IAH1: variants seen among roughly 807,000 people sequenced by gnomAD.
IAH1 encodes the protein isoamyl acetate hydrolyzing esterase 1 (putative).
A neutral mutation model predicts 26.7 loss-of-function variants in IAH1; 24 were observed. The observed-to-expected ratio is 0.90, with a 90% CI of 0.65 to 1.26. The LOEUF (loss-of-function observed/expected upper bound fraction) is 1.26, where lower values mean the gene tolerates loss of function less well. Among genes scored for constraint, IAH1 ranks in the 50% most tolerant of loss-of-function variants. IAH1 has a pLI of 0.00. For missense variants in IAH1, 300 were observed against 299.9 expected (o/e 1.00, Z 0.00); for synonymous variants, 140 against 118.5 (o/e 1.18, Z -1.18).
intron 3 of IAH1, among the ~76,000 whole-genome samples, chr2:9,479,597 A>G (rs1661035020): frequency 6.6e-6 from 1 of 152,152 alleles, no homozygotes; most frequent in Admixed American, 6.5e-5. Context: ...CAGAAAAGCA[A>G]TATGAAGCAG....
Position 9,474,958 on chromosome 2 carries a change from G to A in IAH1, c.81+311G>A. On this transcript the variant is annotated intron_variant, in intron 1 of 5. Coordinates refer to ENST00000497473, the MANE Select transcript of IAH1 (RefSeq NM_001039613.3). The surrounding 1 kb of genome is among the most constrained non-coding windows in gnomAD (Gnocchi z 4.3). ...CGAGATGCGCGGTCTTCCCCTCAGC[G>A]CCCTCCTGGGCAGCGGCCTTTCCCC... 1 of 1,012,714 alleles carries A rather than the reference G, an allele frequency of 9.9e-7. No homozygotes were observed. The highest frequency in any genetic ancestry group is 1.2e-6 in the Non-Finnish European group (1 of 826,600). The allele number at this position is 1,012,714 out of a possible 1,614,324, so 62.7% of individuals were successfully genotyped here.
At chr2:9,495,639 G>C (rs1178129527) in intron 6 of IAH1, among the ~76,000 whole-genome samples, 1 of 151,864 alleles carries the variant, frequency 6.6e-6, no homozygotes, top group East Asian at 1.9e-4. Context: ...ACTTGAACCC[G>C]GGAGGCGGAG....
chr2:9,482,263 G>GGT (rs1280757324), intron 4 of IAH1, among the ~76,000 whole-genome samples: 1 of 152,032 alleles, frequency 6.6e-6, no homozygotes, highest in Admixed American at 6.6e-5. Context: ...CCTGACCTCA[G>GGT]GTAATCTGCC....
intron 4 of IAH1, 67 bp downstream of exon 4, chr2:9,481,514 C>A: frequency 6.7e-7 from 1 of 1,500,176 alleles, no homozygotes; most frequent in Non-Finnish European, 9.2e-7. Context: ...TCTGATAGGA[C>A]AGTGGTTTCC....
chr2:9,478,349 GC>G lies in IAH1; in HGVS notation c.264del (p.Asn89MetfsTer5). The G allele has an allele frequency of 6.2e-7, 1 of 1,608,180 alleles. No individual in the cohort carries two copies. The highest frequency in any genetic ancestry group is 8.5e-7 in the Non-Finnish European group (1 of 1,177,018). On this transcript the variant is annotated frameshift_variant, in exon 3 of 6. Coordinates refer to ENST00000497473, the MANE Select transcript of IAH1 (RefSeq NM_001039613.3). LOFTEE classifies it high-confidence loss of function. ...AGTAGCAGTTACAATTTTCTTTGGG[GC>G]CAATGACAGTGCACTAAAAGGTAAA... The part of the protein sequence containing the change: ...IPVAVTIFFG[A>X]NDSALKDENP...
At chr2:9,500,095 A>G (rs1307799331), downstream of IAH1, among the ~76,000 whole-genome samples, 1 of 147,786 alleles carries the variant, frequency 6.8e-6, no homozygotes, top group East Asian at 1.9e-4. Flanking sequence ...ACTCATAGAT[A>G]AATGTTCACA....
the IAH1 span, among the ~76,000 whole-genome samples, chr2:9,511,665 T>C: frequency 6.6e-6 from 1 of 152,082 alleles, no homozygotes; most frequent in African/African-American, 2.4e-5. Context: ...TCCATATTTA[T>C]CTGAATAAAA....
Position 9,489,160 on chromosome 2 carries a change from G to A in IAH1, c.*831G>A, listed in dbSNP as rs368905778. The A allele has an allele frequency of 7.5e-6, 1 of 134,160 alleles. No individual in the cohort carries two copies. Among genetic ancestry groups the A allele is most frequent in the Non-Finnish European group, 1.6e-5 (1 of 61,810 alleles). 8.3% of individuals were successfully genotyped at this position (134,160 alleles called of 1,614,324 possible). A position where few individuals can be genotyped will look rare whatever the true frequency, so the allele number is the denominator to read the frequency against. Reference sequence around the variant, plus strand: ...ACATTCAAAACAACCTGTTTTTTTTGTTGTTGTTGTTGTTAAGAAATATCT... The same window carrying A: ...ACATTCAAAACAACCTGTTTTTTTTATTGTTGTTGTTGTTAAGAAATATCT... On this transcript the variant is annotated 3_prime_UTR_variant, in exon 6 of 6. Transcript: ENST00000497473.
chr2:9,499,113 C>CTTTTTTTTT (rs59259119), downstream of IAH1, among the ~76,000 whole-genome samples: 2 of 47,514 alleles, frequency 4.2e-5, no homozygotes, highest in African/African-American at 8.6e-5. Flanking sequence ...CTTTCTTCTT[C>CTTTTTTTTT]TTTTTTTTTT....
chr2:9,500,286 G>A (rs1043100853), downstream of IAH1, among the ~76,000 whole-genome samples: 21 of 152,166 alleles, frequency 1.4e-4, no homozygotes, highest in African/African-American at 5.1e-4. Context: ...AGTGAAAGAA[G>A]CCAGTCATAC....
downstream of IAH1, among the ~76,000 whole-genome samples, chr2:9,492,360 C>T (rs1284389548): frequency 6.6e-6 from 1 of 152,198 alleles, no homozygotes; most frequent in Non-Finnish European, 1.5e-5. Context: ...CAACTTGTAG[C>T]TGTTACTGAT....
chr2:9,509,713 A>C, the IAH1 span, among the ~76,000 whole-genome samples: 20 of 152,208 alleles, frequency 1.3e-4, no homozygotes, highest in Admixed American at 1.3e-3. Context: ...AGAACTCCAA[A>C]AAAAGCCATT....
At chr2:9,491,203 G>A (rs1287223077), downstream of IAH1, 12 of 1,535,806 alleles carry the variant, frequency 7.8e-6, no homozygotes, top group Admixed American at 1.7e-5. Context: ...TTCAGTTAGT[G>A]AGTACTATTT....
chr2:9,490,623 G>C (rs1266456726), downstream of IAH1: 3 of 1,220,012 alleles, frequency 2.5e-6, no homozygotes, highest in Admixed American at 2.8e-5. Context: ...TGTTGGCACT[G>C]TGATGCTAAG....
the IAH1 span, among the ~76,000 whole-genome samples, chr2:9,510,946 T>A: frequency 1.3e-5 from 2 of 152,342 alleles, no homozygotes; most frequent in Admixed American, 1.3e-4. Flanking sequence ...CAAATCAATT[T>A]AAGAAAATGT....
intron 3 of IAH1, among the ~76,000 whole-genome samples, chr2:9,479,499 C>T (rs575129572): frequency 6.6e-6 from 1 of 151,940 alleles, no homozygotes; most frequent in Non-Finnish European, 1.5e-5. Flanking sequence ...AGATAAAAGG[C>T]GAAATTTAAC....
At chr2:9,507,473 GC>G in the IAH1 span, among the ~76,000 whole-genome samples, 6 of 152,140 alleles carry the variant, frequency 3.9e-5, no homozygotes, top group Non-Finnish European at 5.9e-5. Context: ...CTGCACTCCA[GC>G]CTGGGCGACA....
the IAH1 span, among the ~76,000 whole-genome samples, chr2:9,504,357 A>C: frequency 6.6e-6 from 1 of 152,120 alleles, no homozygotes; most frequent in African/African-American, 2.4e-5. Flanking sequence ...AGGCAGGGGA[A>C]TCGCTTGAAC....
the IAH1 span, among the ~76,000 whole-genome samples, chr2:9,509,016 A>T: frequency 6.6e-6 from 1 of 152,174 alleles, no homozygotes; most frequent in Non-Finnish European, 1.5e-5. Flanking sequence ...TGCAACAATC[A>T]AAGATCACAA....
Sources: allele counts gnomAD v4.1 joint callset (sites outside exome capture counted in the v4.1 genomes callset), GRCh38; gene constraint gnomAD v4.1.1; non-coding constraint Gnocchi (gnomAD v3.1); transcripts MANE v1.5; gene names NCBI Gene and HGNC (gene_info 2026-07-23, HGNC 2026-07-21).